OGDH: variants seen among roughly 807,000 people sequenced by gnomAD.
OGDH encodes 2-oxoglutarate dehydrogenase complex component E1.
In OGDH, 38 loss-of-function variants were observed where a neutral mutation model predicts 116.6. The observed-to-expected ratio is 0.33, with a 90% CI of 0.25 to 0.43. The LOEUF is 0.43. OGDH is among the 20% of genes least tolerant of loss of function. The pLI is 1.00. For missense variants in OGDH, 825 were observed against 1,357.2 expected, an observed-to-expected ratio of 0.61 and a Z score of 6.16; for synonymous variants, 488 against 533.3, an observed-to-expected ratio of 0.92 and a Z score of 1.17.
intron 2 of OGDH, among the ~76,000 whole-genome samples, chr7:44,627,409 T>C (rs886072451): frequency 1.3e-5 from 2 of 152,270 alleles, no homozygotes; most frequent in Admixed American, 1.3e-4. Context: ...TTATTTGTGC[T>C]CTTATTTTAG....
At chr7:44,627,137 C>T (rs1051797575) in intron 2 of OGDH, among the ~76,000 whole-genome samples, 12 of 152,200 alleles carry the variant, frequency 7.9e-5, no homozygotes, top group Admixed American at 3.3e-4. Context: ...GCTGGGATTA[C>T]AGGCCTGTGC....
chr7:44,695,963 G>A (rs1370288157), intron 12 of OGDH, 62 bp from the exon 13 acceptor site: 2 of 889,354 alleles, frequency 2.2e-6, no homozygotes, highest in Non-Finnish European at 3.8e-6. Context: ...TGGGGGTACA[G>A]GTGGGCGTGT....
At chr7:44,681,459 G>A (rs961395485) in intron 9 of OGDH, among the ~76,000 whole-genome samples, 4 of 152,200 alleles carry the variant, frequency 2.6e-5, no homozygotes, top group African/African-American at 7.2e-5. Flanking sequence ...GTTGGAGAGT[G>A]TCCTAGCAAT....
At chr7:44,632,155 G>A (rs574841670) in intron 2 of OGDH, among the ~76,000 whole-genome samples, 1 of 152,182 alleles carries the variant, frequency 6.6e-6, no homozygotes, top group African/African-American at 2.4e-5. Context: ...GCAGGTAGAA[G>A]GAGAGCAAGT....
chr7:44,676,284 A>T (rs1334361750), intron 9 of OGDH, 135 bp downstream of exon 9: 5 of 1,534,424 alleles, frequency 3.3e-6, no homozygotes, highest in Non-Finnish European at 3.5e-6. Context: ...GGCCGGGCGC[A>T]GTGTCTCACG....
chr7:44,656,226 G>A (rs1786684668), intron 4 of OGDH: 2 of 1,226,014 alleles, frequency 1.6e-6, no homozygotes, highest in Admixed American at 2.0e-5. Flanking sequence ...TGGTAATGGT[G>A]TAGGGTTTTG....
chr7:44,684,125 A>C (rs1788036873), intron 10 of OGDH, among the ~76,000 whole-genome samples: 1 of 152,178 alleles, frequency 6.6e-6, no homozygotes, highest in Non-Finnish European at 1.5e-5. Context: ...AGATCAAGTC[A>C]GGAGAGAGGT....
intron 18 of OGDH, among the ~76,000 whole-genome samples, chr7:44,698,871 TGTGGTGGC>T (rs1788703898): frequency 7.0e-6 from 1 of 142,158 alleles, no homozygotes; most frequent in Admixed American, 7.1e-5. Context: ...CTGTGCTGGG[TGTGGTGGC>T]TCAAGCCTGA....
intron 2 of OGDH, among the ~76,000 whole-genome samples, chr7:44,628,475 T>A (rs1052131199): frequency 6.6e-6 from 1 of 151,244 alleles, no homozygotes; most frequent in Non-Finnish European, 1.5e-5. Context: ...TTTTTTTTAA[T>A]GTAAGTAGGA....
At position 44,616,764 on chromosome 7, in the gene OGDH, T is replaced by C. The variant is rs143858681; in HGVS notation, c.-27-7553T>C. 6.3e-4 allele frequency among the ~76,000 whole-genome samples: 92 copies of C among 145,910 alleles called. No homozygotes were observed. In the East Asian group the frequency reaches 0.015, roughly 24 times the overall value. On this transcript the variant is annotated intron_variant, in intron 1 of 22. Coordinates refer to ENST00000222673, the MANE Select transcript of OGDH (RefSeq NM_002541.4). ...ATATAAGTGTATATGTGTATATATATACACGTATATGTGTATATGCATATA... is the reference window on the plus strand; with the variant it reads ...ATATAAGTGTATATGTGTATATATACACACGTATATGTGTATATGCATATA...
At chr7:44,616,700 T>A (rs1784787153) in intron 1 of OGDH, among the ~76,000 whole-genome samples, 2 of 146,920 alleles carry the variant, frequency 1.4e-5, no homozygotes, top group Admixed American at 1.4e-4. Context: ...TATGTATATA[T>A]ATACACACAT....
intron 10 of OGDH, among the ~76,000 whole-genome samples, chr7:44,684,243 A>C (rs1788041760): frequency 6.6e-6 from 1 of 152,128 alleles, no homozygotes; most frequent in Non-Finnish European, 1.5e-5. Flanking sequence ...TTGGGAGGCC[A>C]TTGGAGAGAC....
chr7:44,707,502 C>G lies in OGDH; in HGVS notation c.2797-80C>G, dbSNP rs1585412179. ...CCTCAGGTTCCTGACCTTCCCTGCT[C>G]GGAACACCAGTTTCCCTTTGCTGGA... is the stretch of plus-strand genomic sequence containing the variant. On this transcript the variant is annotated intron_variant, in intron 21 of 22. Transcript: ENST00000222673. The surrounding 1 kb of genome is among the most constrained non-coding windows in gnomAD (Gnocchi z 5.2). 6 of 1,596,580 alleles carry G rather than the reference C, an allele frequency of 3.8e-6. No homozygotes were observed. The highest frequency in any genetic ancestry group is 5.1e-6 in the Non-Finnish European group (6 of 1,170,510).
intron 4 of OGDH, among the ~76,000 whole-genome samples, chr7:44,650,379 A>G (rs1421932845): frequency 2.0e-5 from 3 of 152,110 alleles, no homozygotes; most frequent in Non-Finnish European, 4.4e-5. Context: ...CCAGCCCACT[A>G]TTACTAGCTG....
intron 3 of OGDH, 70 bp downstream of exon 3, chr7:44,645,588 A>G (rs1037821169): frequency 2.8e-6 from 4 of 1,446,416 alleles, no homozygotes; most frequent in African/African-American, 2.8e-5. Flanking sequence ...CATGGGCCCT[A>G]TTGGCCTTTC....
At chr7:44,653,963 T>A (rs1233592886) in intron 4 of OGDH, among the ~76,000 whole-genome samples, 1 of 152,210 alleles carries the variant, frequency 6.6e-6, no homozygotes, top group Non-Finnish European at 1.5e-5. Flanking sequence ...CAAGCAATCC[T>A]CCTGCTTCAG....
intron 2 of OGDH, among the ~76,000 whole-genome samples, chr7:44,641,214 T>TC (rs1785924035): frequency 7.4e-6 from 1 of 135,880 alleles, no homozygotes; most frequent in Non-Finnish European, 1.5e-5. Flanking sequence ...TTCTTCTTTT[T>TC]TTTTTTTTTT....
chr7:44,666,804 G>C lies in OGDH; in HGVS notation c.586G>C (p.Gly196Arg). Reference protein sequence around the residue: ...FHLPTTTFIGGQESALPLREI... With the variant: ...FHLPTTTFIGRQESALPLREI... ...CTTGCCCACCACCACTTTCATCGGG[G>C]GACAGGAATCAGCACTTCCTCTGCG... The change falls in exon 5 of 23, where the codon GGA becomes CGA. Residue 196 changes from glycine to arginine, a missense_variant. By Grantham distance (125) the Gly-to-Arg change is moderately radical. Transcript: ENST00000222673. The C allele has an allele frequency of 6.2e-7, 1 of 1,613,136 alleles. No homozygotes were observed. Among genetic ancestry groups the C allele is most frequent in the Non-Finnish European group, 8.5e-7 (1 of 1,179,534 alleles).
intron 1 of OGDH, among the ~76,000 whole-genome samples, chr7:44,607,029 C>T (rs1024088866): frequency 1.3e-5 from 2 of 152,202 alleles, no homozygotes; most frequent in Non-Finnish European, 2.9e-5. Flanking sequence ...CCAAGGTCGC[C>T]GCGGGCGTCA....
Sources: allele counts gnomAD v4.1 joint callset (sites outside exome capture counted in the v4.1 genomes callset), GRCh38; gene constraint gnomAD v4.1.1; non-coding constraint Gnocchi (gnomAD v3.1); transcripts MANE v1.5; gene names NCBI Gene and HGNC (gene_info 2026-07-23, HGNC 2026-07-21).